Variants in MEI4 observed in about 807,000 individuals in gnomAD.
The protein encoded by MEI4 is meiotic double-stranded break formation protein 4.
A neutral mutation model predicts 31.4 loss-of-function variants in MEI4; 27 were observed. The observed-to-expected ratio is 0.86, with a 90% CI of 0.63 to 1.19. The LOEUF is 1.19. MEI4 is among the 50% of genes most tolerant of loss of function. The probability of loss-of-function intolerance (pLI) is 0.00; values close to 1 mark genes in which losing one functional copy is unlikely to be tolerated. For synonymous variants in MEI4, 122 were observed against 145.4 expected, an observed-to-expected ratio of 0.84 and a Z score of 1.16; for missense variants, 329 against 398.9, an observed-to-expected ratio of 0.82 and a Z score of 1.49.
intron 4 of MEI4, among the ~76,000 whole-genome samples, chr6:77,877,855 G>T (rs1482023697): frequency 1.3e-5 from 2 of 150,820 alleles, no homozygotes; most frequent in Non-Finnish European, 3.0e-5. Context: ...CAATTTAAGT[G>T]AGAACAAAAA....
At chr6:77,806,688 C>T (rs187566227) in intron 3 of MEI4, among the ~76,000 whole-genome samples, 24 of 152,202 alleles carry the variant, frequency 1.6e-4, no homozygotes, top group African/African-American at 5.3e-4. Context: ...GCTTTGAGGT[C>T]ATATTTACTG....
intron 3 of MEI4, among the ~76,000 whole-genome samples, chr6:77,793,518 A>G (rs764702550): frequency 2.0e-5 from 3 of 152,246 alleles, no homozygotes; most frequent in Non-Finnish European, 4.4e-5. Context: ...AATGGTGTGT[A>G]TAGGTCATTT....
At chr6:77,831,891 A>C (rs1284902424) in intron 4 of MEI4, among the ~76,000 whole-genome samples, 1 of 152,066 alleles carries the variant, frequency 6.6e-6, no homozygotes, top group Non-Finnish European at 1.5e-5. Context: ...AACATTTTTT[A>C]TATTTCAAAA....
chr6:77,859,571 A>C (rs1040097204), intron 4 of MEI4, among the ~76,000 whole-genome samples: 10 of 152,144 alleles, frequency 6.6e-5, no homozygotes, highest in African/African-American at 2.4e-4. Context: ...GAGTGTCATG[A>C]GATGGTATCT....
At chr6:77,744,596 T>C (rs1043232034) in intron 2 of MEI4, among the ~76,000 whole-genome samples, 4 of 151,992 alleles carry the variant, frequency 2.6e-5, no homozygotes, top group African/African-American at 9.7e-5. Flanking sequence ...AGGCCAACAT[T>C]CAGATTCAGG....
chr6:77,891,430 A>G (rs1771765474), intron 4 of MEI4, among the ~76,000 whole-genome samples: 1 of 151,888 alleles, frequency 6.6e-6, no homozygotes, highest in Admixed American at 6.6e-5. Flanking sequence ...ATTTGATTTT[A>G]TTTATTGAAA....
chr6:77,704,863 A>T (rs576609970), intron 2 of MEI4, among the ~76,000 whole-genome samples: 8 of 152,272 alleles, frequency 5.3e-5, no homozygotes, highest in African/African-American at 1.7e-4. Flanking sequence ...AGGGATTTGT[A>T]GGCCGGCTTC....
At chr6:77,913,957 C>T (rs1445017213) in intron 4 of MEI4, among the ~76,000 whole-genome samples, 1 of 150,218 alleles carries the variant, frequency 6.7e-6, no homozygotes, top group South Asian at 2.1e-4. Context: ...TGGCGTGAAT[C>T]CAGGAGGTGG....
chr6:77,795,472 A>C (rs1342659955), intron 3 of MEI4, among the ~76,000 whole-genome samples: 1 of 152,156 alleles, frequency 6.6e-6, no homozygotes, highest in Non-Finnish European at 1.5e-5. Context: ...ACACACGCAC[A>C]TGACAATAGA....
chr6:77,923,479 A>C lies in MEI4; in HGVS notation c.*133A>C. The C allele has an allele frequency of 1.4e-6, 1 of 736,050 alleles. No individual in the cohort carries two copies. The allele number at this position is 736,050 out of a possible 1,614,324, so 45.6% of individuals were successfully genotyped here. A position where few individuals can be genotyped will look rare whatever the true frequency, so the allele number is the denominator to read the frequency against. On this transcript the variant is annotated 3_prime_UTR_variant, in exon 5 of 5. Coordinates refer to ENST00000684080, the MANE Select transcript of MEI4 (RefSeq NM_001322247.2). ...GATCTCTAAATATAATTATCAATTCAACTTAATGGTTAGTCTTAAATTGTA... is the reference window on the plus strand; with the variant it reads ...GATCTCTAAATATAATTATCAATTCCACTTAATGGTTAGTCTTAAATTGTA...
chr6:77,907,737 A>G (rs1416578514), intron 4 of MEI4, among the ~76,000 whole-genome samples: 1 of 152,132 alleles, frequency 6.6e-6, no homozygotes, highest in Non-Finnish European at 1.5e-5. Context: ...GACTGCCACA[A>G]TGGTTGAACT....
At chr6:77,752,760 T>C (rs1283045789) in intron 2 of MEI4, among the ~76,000 whole-genome samples, 1 of 152,168 alleles carries the variant, frequency 6.6e-6, no homozygotes, top group Non-Finnish European at 1.5e-5. Context: ...AAAACTAATT[T>C]AAATTTCATT....
At chr6:77,873,964 A>G (rs1408420797) in intron 4 of MEI4, among the ~76,000 whole-genome samples, 1 of 152,224 alleles carries the variant, frequency 6.6e-6, no homozygotes, top group Admixed American at 6.5e-5. Context: ...ATTGATCTAT[A>G]TCTCTGTTTT....
At chr6:77,767,861 A>C (rs1266955981) in intron 3 of MEI4, among the ~76,000 whole-genome samples, 1 of 152,208 alleles carries the variant, frequency 6.6e-6, no homozygotes, top group Non-Finnish European at 1.5e-5. Flanking sequence ...CTGAATTTTC[A>C]AAGCAGTGTT....
Position 77,918,023 on chromosome 6 carries a change from G to T in MEI4, c.901-5066G>T, listed in dbSNP as rs532269428. 9.1e-3 allele frequency among the ~76,000 whole-genome samples: 1,374 copies of T among 151,702 alleles called. 17 individuals carry two copies. Among genetic ancestry groups the T allele is most frequent in the African/African-American group, 0.031 (1,273 of 41,342 alleles). ...TTCCCATCACCATATATTAAATAGGGAATCCTTTCCCCATTGCTTGTTTTT... is the reference window on the plus strand; with the variant it reads ...TTCCCATCACCATATATTAAATAGGTAATCCTTTCCCCATTGCTTGTTTTT... On this transcript the variant is annotated intron_variant, in intron 4 of 4. Coordinates refer to ENST00000684080, the MANE Select transcript of MEI4 (RefSeq NM_001322247.2).
At chr6:77,911,154 C>A (rs780926978) in intron 4 of MEI4, among the ~76,000 whole-genome samples, 1 of 151,912 alleles carries the variant, frequency 6.6e-6, no homozygotes, top group Non-Finnish European at 1.5e-5. Context: ...TTCTTGCATA[C>A]TCTGGATATT....
At position 77,884,588 on chromosome 6, in the gene MEI4, C is replaced by G. The variant is rs114824733; in HGVS notation, c.901-38501C>G. On this transcript the variant is annotated intron_variant, in intron 4 of 4. Transcript: ENST00000684080. ...TTTTCCTTTGGATATCCAGTTGTCT[C>G]AGCACCATTTATTGAAGAGAGTGTC... Among the ~76,000 whole-genome samples, 1,417 of 152,258 alleles carry G rather than the reference C, an allele frequency of 9.3e-3. 17 individuals carry two copies. Among genetic ancestry groups the G allele is most frequent in the African/African-American group, 0.032 (1,317 of 41,554 alleles).
chr6:77,707,558 G>C (rs986733081), intron 2 of MEI4, among the ~76,000 whole-genome samples: 3 of 152,216 alleles, frequency 2.0e-5, no homozygotes, highest in Non-Finnish European at 4.4e-5. Flanking sequence ...TCACTTTCTA[G>C]AGAGATTTGC....
intron 1 of MEI4, among the ~76,000 whole-genome samples, chr6:77,675,323 T>A (rs750587769): frequency 7.2e-5 from 11 of 152,172 alleles, no homozygotes; most frequent in Non-Finnish European, 1.3e-4. Context: ...GGCTGTGGCT[T>A]ACCTCTTTAC....
Sources: allele counts gnomAD v4.1 joint callset (sites outside exome capture counted in the v4.1 genomes callset), GRCh38; gene constraint gnomAD v4.1.1; transcripts MANE v1.5; gene names NCBI Gene and HGNC (gene_info 2026-07-23, HGNC 2026-07-21).